LIMD2: variants seen among roughly 807,000 people sequenced by gnomAD.
The protein encoded by LIMD2 is LIM domain containing 2.
Under a neutral mutation model 16.0 loss-of-function variants are expected in LIMD2, and 11 were observed. The observed-to-expected ratio is 0.69, with a 90% CI of 0.43 to 1.14. The LOEUF (loss-of-function observed/expected upper bound fraction) is 1.14. Ranked by LOEUF, LIMD2 falls within the 50% of genes most tolerant of loss-of-function variation. The pLI, the probability that LIMD2 is intolerant of heterozygous loss-of-function variation, is 0.00. For missense variants in LIMD2, 168 were observed against 165.8 expected, an observed-to-expected ratio of 1.01 and a Z score of -0.07; for synonymous variants, 60 against 67.1, an observed-to-expected ratio of 0.89 and a Z score of 0.52.
rs2035735003 is a variant in LIMD2, at chr17:63,698,799, C to T, written c.224G>A (p.Ser75Asn). Residue 75 changes from serine to asparagine, a missense_variant and splice_region_variant, in exon 4 of 5, where the codon AGC becomes AAC. Ser to Asn is a conservative substitution (Grantham distance 46). Transcript: ENST00000259006. ...FCCKHCHTKLSLGSYAALHGE... is the reference protein window; with the variant it reads ...FCCKHCHTKLNLGSYAALHGE... Reference sequence around the variant, plus strand: ...GGGGGCGGGCAGGGCAGGGGCGCACCTGAGCTTGGTGTGACAGTGCTTGCA... The same window carrying T: ...GGGGGCGGGCAGGGCAGGGGCGCACTTGAGCTTGGTGTGACAGTGCTTGCA... The T allele has an allele frequency of 6.2e-7, 1 of 1,612,574 alleles. No homozygotes were observed. Among genetic ancestry groups the T allele is most frequent in the African/African-American group, 1.3e-5 (1 of 74,888 alleles).
chr17:63,699,207 C>G, intron 2 of LIMD2, 50 bp downstream of exon 2: 1 of 1,605,580 alleles, frequency 6.2e-7, no homozygotes, highest in Non-Finnish European at 8.5e-7. Context: ...CCCCTTCACC[C>G]CAGGCCAGGC....
In LIMD2 at chr17:63,698,729, C is replaced by T. The variant is rs771448637; in HGVS notation, c.225-18G>A. On this transcript the variant is annotated intron_variant, in intron 4 of 4. Transcript: ENST00000259006. ...TGCCCAGGCTGCAGAAGCCAAACAA[C>T]GGCGTCAGGTCAGGTCAGGTCGGGG... The T allele has an allele frequency of 4.4e-6, 7 of 1,592,022 alleles. No individual in the cohort carries two copies. The highest frequency in any genetic ancestry group is 5.1e-6 in the Non-Finnish European group (6 of 1,167,648).
In LIMD2 at chr17:63,697,889, G is replaced by C. The variant is rs1366559643; in HGVS notation, c.*663C>G. On this transcript the variant is annotated 3_prime_UTR_variant, in exon 5 of 5. Coordinates refer to ENST00000259006, the MANE Select transcript of LIMD2 (RefSeq NM_030576.4). ...GCACAAATGGGAGCGGGGGAGGGGA[G>C]TGGGGCCGCACCAGCCCCTGCCAGT... 1 of 153,250 alleles carries C rather than the reference G, an allele frequency of 6.5e-6. No individual in the cohort carries two copies. Among genetic ancestry groups the C allele is most frequent in the Non-Finnish European group, 1.5e-5 (1 of 68,812 alleles). 9.5% of individuals were successfully genotyped at this position (153,250 alleles called of 1,614,324 possible).
rs1156300681 is a variant in LIMD2, at chr17:63,699,278, G to A, written c.21C>T (p.Ala7=). The A allele has an allele frequency of 6.2e-7, 1 of 1,610,350 alleles. No individual in the cohort carries two copies. Among genetic ancestry groups the A allele is most frequent in the Non-Finnish European group, 8.5e-7 (1 of 1,178,830 alleles). ...TTACATGAGAGGGGGTGGCCTGGGC[G>A]GCTCCTGCAGCCTGGAACATGGCTC... MFQAAG[A]AQATPSHDAK... The change falls in exon 2 of 5, where the codon GCC becomes GCT. Residue 7 remains alanine, a synonymous_variant. Coordinates refer to ENST00000259006, the MANE Select transcript of LIMD2 (RefSeq NM_030576.4).
At position 63,700,062 on chromosome 17, in the gene LIMD2, G is replaced by A. The variant is rs1238449172; in HGVS notation, c.-81C>T. On this transcript the variant is annotated 5_prime_UTR_variant, in exon 1 of 5. Transcript: ENST00000259006. This position sits in a 1 kb window ranked among gnomAD's most constrained non-coding sequence, Gnocchi z 7.1. ...CCGGCCTGGGCCGCGGGGCGGGATC[G>A]GTCTCCGGGGGCGCACGGGTACGAG... The A allele has an allele frequency of 1.6e-5, 16 of 984,032 alleles. No individual in the cohort carries two copies. The highest frequency in any genetic ancestry group is 6.2e-5 in the Admixed American group (1 of 16,140). 61.0% of individuals were successfully genotyped at this position (984,032 alleles called of 1,614,324 possible). A position where few individuals can be genotyped will look rare whatever the true frequency, so the allele number is the denominator to read the frequency against.
Sources: allele counts gnomAD v4.1 joint callset, GRCh38; gene constraint gnomAD v4.1.1; non-coding constraint Gnocchi (gnomAD v3.1); transcripts MANE v1.5; gene names NCBI Gene and HGNC (gene_info 2026-07-23, HGNC 2026-07-21).